The following RELN variants were observed in gnomAD, a reference collection of about 807,000 sequenced individuals.
RELN encodes reelin.
A neutral mutation model predicts 427.6 loss-of-function variants in RELN; 108 were observed. That is an observed-to-expected ratio of 0.25 (90% CI 0.22 to 0.30). RELN has a LOEUF of 0.30. Among genes scored for constraint, RELN ranks in the 10% least tolerant of loss-of-function variants. RELN has a pLI of 1.00. For missense variants in RELN, 3,715 were observed against 4,302.8 expected, an observed-to-expected ratio of 0.86 and a Z score of 3.82; for synonymous variants, 1,524 against 1,513.4, an observed-to-expected ratio of 1.01 and a Z score of -0.16.
intron 1 of RELN, among the ~76,000 whole-genome samples, chr7:103,943,214 G>C (rs1442838434): frequency 6.6e-6 from 1 of 152,160 alleles, no homozygotes; most frequent in Non-Finnish European, 1.5e-5. Context: ...AAGAAGGCAA[G>C]TTTAGCCTTG....
At chr7:103,828,385 ATGATCCTCCTGTGAG>A (rs1447548846) in intron 3 of RELN, among the ~76,000 whole-genome samples, 1 of 93,386 alleles carries the variant, frequency 1.1e-5, no homozygotes, top group Non-Finnish European at 2.3e-5. Flanking sequence ...ATGTTCAAAT[ATGATCCTCCTGTGAG>A]TGATCCTTCT....
At chr7:103,716,529 C>T (rs1184945872) in intron 8 of RELN, among the ~76,000 whole-genome samples, 1 of 152,188 alleles carries the variant, frequency 6.6e-6, no homozygotes, top group Non-Finnish European at 1.5e-5. Flanking sequence ...AGACTAAATT[C>T]TAACAATGCC....
chr7:103,946,678 G>C (rs1434914842), intron 1 of RELN, among the ~76,000 whole-genome samples: 2 of 152,156 alleles, frequency 1.3e-5, no homozygotes, highest in Non-Finnish European at 2.9e-5. Context: ...AATAACAATA[G>C]AGTTGCTATA....
intron 8 of RELN, among the ~76,000 whole-genome samples, chr7:103,709,643 T>C (rs1232505320): frequency 6.6e-6 from 1 of 152,188 alleles, no homozygotes; most frequent in Non-Finnish European, 1.5e-5. Context: ...GAAAGGACTA[T>C]ATGACTTGAC....
In RELN at chr7:103,978,442, T is replaced by A. The variant is rs114266769; in HGVS notation, c.226+10689A>T. 2.0e-3 allele frequency among the ~76,000 whole-genome samples: 311 copies of A among 152,342 alleles called. 2 individuals are homozygous for A. The highest frequency in any genetic ancestry group is 7.1e-3 in the African/African-American group (296 of 41,578). ...GAATAGTATTCCATTAGTGACTGCT[T>A]CTACAGGATGGCAAGGAAGCACACA... On this transcript the variant is annotated intron_variant, in intron 1 of 64. Coordinates refer to ENST00000428762, the MANE Select transcript of RELN (RefSeq NM_005045.4).
At position 103,569,772 on chromosome 7, in the gene RELN, C is replaced by T. The variant is rs1047215481; in HGVS notation, c.4588+2412G>A. 6.6e-6 allele frequency among the ~76,000 whole-genome samples: 1 copy of T among 152,206 alleles called. No individual in the cohort carries two copies. Among genetic ancestry groups the T allele is most frequent in the Non-Finnish European group, 1.5e-5 (1 of 68,036 alleles). ...AAGGCAAAGAGCAATATACATATCT[C>T]ATATCACTTGCTGAACCTCATTAGC... On this transcript the variant is annotated intron_variant, in intron 31 of 64. Coordinates refer to ENST00000428762, the MANE Select transcript of RELN (RefSeq NM_005045.4). The surrounding 1 kb of genome is among the most constrained non-coding windows in gnomAD (Gnocchi z 4.0).
In RELN at chr7:103,943,147, G is replaced by A. The variant is rs539676863; in HGVS notation, c.227-25962C>T. ...ATAATGTGATGGGATAAGAATAACC[G>A]TATCATTGAAAACCTAGTTTTCTCT... On this transcript the variant is annotated intron_variant, in intron 1 of 64. Transcript: ENST00000428762. Among the ~76,000 whole-genome samples, 55 of 152,252 alleles carry A rather than the reference G, an allele frequency of 3.6e-4. 1 individual carries two copies. The highest frequency in any genetic ancestry group is 3.5e-3 in the South Asian group (17 of 4,814).
At chr7:103,817,985 A>G (rs976033717) in intron 3 of RELN, among the ~76,000 whole-genome samples, 1 of 151,414 alleles carries the variant, frequency 6.6e-6, no homozygotes, top group Non-Finnish European at 1.5e-5. Flanking sequence ...GTGAATTTAC[A>G]TAATATAATA....
Position 103,755,633 on chromosome 7 carries a change from A to G in RELN, c.545-2419T>C, listed in dbSNP as rs980346988. Among the ~76,000 whole-genome samples the G allele has an allele frequency of 3.7e-3, 459 of 124,478 alleles. 12 individuals carry two copies. Among genetic ancestry groups the G allele is most frequent in the East Asian group, 1.1e-3 (5 of 4,758 alleles). 81.7% of individuals were successfully genotyped at this position (124,478 alleles called of 152,430 possible). A position where few individuals can be genotyped will look rare whatever the true frequency, so the allele number is the denominator to read the frequency against. ...AAAAAAAAAATAAAAAAAATAAAAT[A>G]AATAAAATAAAATAATTAAATAACA... On this transcript the variant is annotated intron_variant, in intron 4 of 64. Transcript: ENST00000428762.
At chr7:103,658,403 T>C (rs1408603449) in intron 12 of RELN, among the ~76,000 whole-genome samples, 2 of 152,096 alleles carry the variant, frequency 1.3e-5, no homozygotes, top group Non-Finnish European at 2.9e-5. Flanking sequence ...TAAATCTCTT[T>C]CCATATGGCT....
At chr7:103,598,940 A>C (rs1391768708) in intron 24 of RELN, among the ~76,000 whole-genome samples, 1 of 152,208 alleles carries the variant, frequency 6.6e-6, no homozygotes, top group Non-Finnish European at 1.5e-5. Context: ...GTGTGTGCGC[A>C]TATGTGTTGG....
In RELN at chr7:103,566,278, C is replaced by G. The variant is rs1436133395; in HGVS notation, c.4882G>C (p.Val1628Leu). 1 of 1,613,988 alleles carries G rather than the reference C, an allele frequency of 6.2e-7. No homozygotes were observed. Among genetic ancestry groups the G allele is most frequent in the Non-Finnish European group, 8.5e-7 (1 of 1,179,948 alleles). Residue 1628 changes from valine to leucine, a missense_variant, in exon 33 of 65, where the codon GTT becomes CTT. By Grantham distance (32) the Val-to-Leu change is conservative (BLOSUM62 1). Transcript: ENST00000428762. ...ANWYRIQGGQ[V>L]DIDCLSMDTA... is the part of the protein sequence containing the mutation. ...TCCATAGAGAGACAGTCAATATCAA[C>G]TTGACCTCCTTGGATTCGATACCAG...
Position 103,610,749 on chromosome 7 carries a change from G to A in RELN, c.2954C>T (p.Ala985Val), listed in dbSNP as rs138598422. 1 of 1,612,092 alleles carries A rather than the reference G, an allele frequency of 6.2e-7. No individual in the cohort carries two copies. Among genetic ancestry groups the A allele is most frequent in the Admixed American group, 1.7e-5 (1 of 59,970 alleles). The change falls in exon 22 of 65, where the codon GCC (alanine) becomes GTC (valine). Residue 985 changes from alanine to valine, a missense_variant. By Grantham distance (64) the Ala-to-Val change is moderately conservative. Transcript: ENST00000428762. ...QEFTSASIYH[A>V]SEFTQWRRVI... Reference sequence around the variant, plus strand: ...TCTCCTCCACTGTGTAAACTCACTGGCATGGTAAATACTTGCTGATGTAAA... The same window carrying A: ...TCTCCTCCACTGTGTAAACTCACTGACATGGTAAATACTTGCTGATGTAAA...
At chr7:103,760,081 G>A (rs1325582537) in intron 4 of RELN, among the ~76,000 whole-genome samples, 1 of 129,300 alleles carries the variant, frequency 7.7e-6, no homozygotes, top group African/African-American at 3.0e-5. Flanking sequence ...CTGAATGCCT[G>A]TCATACACGA....
chr7:103,507,668 C>T (rs1018895239), intron 51 of RELN, among the ~76,000 whole-genome samples: 1 of 151,846 alleles, frequency 6.6e-6, no homozygotes, highest in African/African-American at 2.4e-5. Flanking sequence ...CAGAAGACAA[C>T]AAATAACTAA....
intron 41 of RELN, among the ~76,000 whole-genome samples, chr7:103,547,858 A>G (rs1830333879): frequency 6.6e-6 from 1 of 152,182 alleles, no homozygotes; most frequent in South Asian, 2.1e-4. Flanking sequence ...ACTTGCCTTG[A>G]CACAGAAACT....
chr7:103,548,352 C>T (rs1423994082), intron 41 of RELN, among the ~76,000 whole-genome samples: 1 of 152,058 alleles, frequency 6.6e-6, no homozygotes, highest in Non-Finnish European at 1.5e-5. Flanking sequence ...ATGCTTTTAG[C>T]ATCCAGCACT....
At chr7:103,689,663 C>A (rs1833834016) in intron 10 of RELN, among the ~76,000 whole-genome samples, 1 of 151,998 alleles carries the variant, frequency 6.6e-6, no homozygotes, top group South Asian at 2.1e-4. Flanking sequence ...AGAAACACTG[C>A]TTCATGGGGT....
chr7:103,772,197 A>G (rs1214322129), intron 4 of RELN, among the ~76,000 whole-genome samples: 1 of 152,230 alleles, frequency 6.6e-6, no homozygotes, highest in African/African-American at 2.4e-5. Context: ...TATTGTGAGA[A>G]GCTTTAGAGA....
Sources: allele counts gnomAD v4.1 joint callset (sites outside exome capture counted in the v4.1 genomes callset), GRCh38; gene constraint gnomAD v4.1.1; non-coding constraint Gnocchi (gnomAD v3.1); transcripts MANE v1.5; gene names NCBI Gene and HGNC (gene_info 2026-07-23, HGNC 2026-07-21).